Variants in FSTL5 observed in about 807,000 individuals in gnomAD.
The protein encoded by FSTL5 is follistatin-related protein 5.
A neutral mutation model predicts 89.1 loss-of-function variants in FSTL5; 62 were observed. The ratio of observed to expected loss-of-function variants is 0.70; its 90% CI spans 0.57 to 0.86. The LOEUF is 0.86. FSTL5 is among the 40% of genes least tolerant of loss of function. The pLI is 0.00. For missense variants in FSTL5, 1,057 were observed against 1,001.6 expected (o/e 1.06, Z -0.75); for synonymous variants, 383 against 346.2 (o/e 1.11, Z -1.18).
At chr4:161,816,319 C>A (rs1730324394) in intron 4 of FSTL5, among the ~76,000 whole-genome samples, 1 of 152,096 alleles carries the variant, frequency 6.6e-6, no homozygotes, top group African/African-American at 2.4e-5. Flanking sequence ...TAGTTAATTA[C>A]ATATTTATTT....
chr4:162,061,839 G>A (rs542670272), intron 2 of FSTL5, among the ~76,000 whole-genome samples: 2 of 152,126 alleles, frequency 1.3e-5, no homozygotes, highest in East Asian at 3.9e-4. Context: ...GGTTAAATAT[G>A]TAATCAATTT....
intron 15 of FSTL5, among the ~76,000 whole-genome samples, chr4:161,412,502 G>T (rs1303415765): frequency 6.6e-6 from 1 of 152,032 alleles, no homozygotes; most frequent in Non-Finnish European, 1.5e-5. Flanking sequence ...GCCTGTCGTG[G>T]GGTAGGGGGA....
At chr4:161,961,437 C>T (rs1012952630) in intron 3 of FSTL5, among the ~76,000 whole-genome samples, 11 of 151,850 alleles carry the variant, frequency 7.2e-5, no homozygotes, top group African/African-American at 2.7e-4. Context: ...AATATCACTG[C>T]ATTATGACTA....
chr4:161,726,065 T>C (rs1267579963), intron 6 of FSTL5, among the ~76,000 whole-genome samples: 2 of 152,082 alleles, frequency 1.3e-5, no homozygotes, highest in African/African-American at 4.8e-5. Flanking sequence ...AGGAGCAGAA[T>C]TAAAATGTAA....
chr4:161,903,400 C>T (rs1033689075), intron 4 of FSTL5, among the ~76,000 whole-genome samples: 1 of 151,992 alleles, frequency 6.6e-6, no homozygotes, highest in Admixed American at 6.6e-5. Context: ...AAATAAAAAA[C>T]ACTTTTTTCA....
At chr4:161,403,818 G>A (rs1057444949) in intron 15 of FSTL5, among the ~76,000 whole-genome samples, 1 of 152,102 alleles carries the variant, frequency 6.6e-6, no homozygotes. Context: ...GGTCTATCTG[G>A]GCACACAAAT....
At chr4:162,121,871 G>T (rs370804741) in intron 1 of FSTL5, among the ~76,000 whole-genome samples, 1 of 152,154 alleles carries the variant, frequency 6.6e-6, no homozygotes. Flanking sequence ...AGATGATGCA[G>T]ATGAAGACCT....
chr4:161,807,171 C>G (rs77896920), intron 4 of FSTL5, among the ~76,000 whole-genome samples: 1 of 146,876 alleles, frequency 6.8e-6, no homozygotes, highest in African/African-American at 2.6e-5. Flanking sequence ...CCATCTACTA[C>G]GACTATTTGA....
chr4:161,770,796 T>C (rs921120932), intron 5 of FSTL5, among the ~76,000 whole-genome samples: 7 of 151,826 alleles, frequency 4.6e-5, no homozygotes, highest in Admixed American at 3.3e-4. Flanking sequence ...TTATTTTAAG[T>C]TCAGTTCAAT....
At chr4:161,518,680 T>C (rs1001209158) in intron 10 of FSTL5, among the ~76,000 whole-genome samples, 6 of 152,250 alleles carry the variant, frequency 3.9e-5, no homozygotes, top group African/African-American at 2.4e-5. Context: ...AGTCAAAAGA[T>C]TAAAGCCACC....
At chr4:161,556,222 C>T (rs1018297005) in intron 8 of FSTL5, among the ~76,000 whole-genome samples, 1 of 151,374 alleles carries the variant, frequency 6.6e-6, no homozygotes, top group African/African-American at 2.4e-5. Flanking sequence ...CCAATTTTTG[C>T]AACTAGAAGG....
chr4:161,521,871 A>AG (rs1288795741), intron 10 of FSTL5, among the ~76,000 whole-genome samples: 1 of 150,862 alleles, frequency 6.6e-6, no homozygotes, highest in Non-Finnish European at 1.5e-5. Context: ...AAAAGAAAAA[A>AG]AAAGAAAAAA....
At chr4:161,411,400 A>G (rs1054680574) in intron 15 of FSTL5, among the ~76,000 whole-genome samples, 1 of 152,110 alleles carries the variant, frequency 6.6e-6, no homozygotes, top group African/African-American at 2.4e-5. Context: ...AAAACTTAAG[A>G]CCAATATCCC....
intron 7 of FSTL5, among the ~76,000 whole-genome samples, chr4:161,625,172 T>C (rs950456961): frequency 2.6e-5 from 4 of 152,172 alleles, no homozygotes; most frequent in Admixed American, 2.6e-4. Flanking sequence ...ACAATGTTTC[T>C]ATAGGTACTA....
chr4:161,992,180 G>A (rs761928004), intron 3 of FSTL5, among the ~76,000 whole-genome samples: 1 of 152,202 alleles, frequency 6.6e-6, no homozygotes, highest in South Asian at 2.1e-4. Flanking sequence ...TAGGAGTCAC[G>A]AAAGAGAGTG....
intron 3 of FSTL5, among the ~76,000 whole-genome samples, chr4:161,929,681 G>GTGTGTGTATA (rs1553983441): frequency 6.1e-5 from 7 of 115,448 alleles, no homozygotes; most frequent in African/African-American, 2.3e-4. Flanking sequence ...GTGTGTGTGT[G>GTGTGTGTATA]TGTGTGTGTG....
chr4:161,810,493 G>A (rs1259174232), intron 4 of FSTL5, among the ~76,000 whole-genome samples: 6 of 152,118 alleles, frequency 3.9e-5, no homozygotes, highest in African/African-American at 1.4e-4. Context: ...AGGAAATTGA[G>A]AATTGACGAC....
chr4:162,146,682 TC>T (rs1201488908), intron 1 of FSTL5, among the ~76,000 whole-genome samples: 1 of 83,980 alleles, frequency 1.2e-5, no homozygotes, highest in South Asian at 3.5e-4. Context: ...TCCCTTCCCT[TC>T]CCTTCCCTTC....
At chr4:161,564,431 T>G (rs1392330996) in intron 8 of FSTL5, among the ~76,000 whole-genome samples, 2 of 151,032 alleles carry the variant, frequency 1.3e-5, no homozygotes. Context: ...ATGGCACTAC[T>G]ATTTACCATA....
Sources: gnomAD v4.1 joint callset for allele counts (sites outside exome capture counted in the v4.1 genomes callset) on GRCh38, gnomAD v4.1.1 for gene constraint, MANE v1.5 for transcripts, NCBI Gene and HGNC (gene_info 2026-07-23, HGNC 2026-07-21) for gene names.